Variants in SORCS3 observed in about 807,000 individuals in gnomAD.
SORCS3 encodes the protein VPS10 domain-containing receptor SorCS3.
In SORCS3, 57 loss-of-function variants were observed where a neutral mutation model predicts 146.3. The observed-to-expected ratio is 0.39, with a 90% CI of 0.31 to 0.49. SORCS3 has a LOEUF of 0.49. Ranked by LOEUF, SORCS3 falls within the 20% of genes least tolerant of loss-of-function variation. The pLI is 0.92. For missense variants in SORCS3, 1,341 were observed against 1,575.5 expected, an observed-to-expected ratio of 0.85 and a Z score of 2.52; for synonymous variants, 653 against 618.5, an observed-to-expected ratio of 1.06 and a Z score of -0.83.
intron 14 of SORCS3, among the ~76,000 whole-genome samples, chr10:105,198,647 G>A (rs187339713): frequency 3.3e-4 from 50 of 152,252 alleles, no homozygotes; most frequent in Non-Finnish European, 2.1e-4. Context: ...GGGAGAGGGA[G>A]TTAGGTTTGC....
At chr10:105,043,916 A>G (rs2055353235) in intron 5 of SORCS3, among the ~76,000 whole-genome samples, 1 of 152,160 alleles carries the variant, frequency 6.6e-6, no homozygotes, top group Non-Finnish European at 1.5e-5. Context: ...GGTTGTAACA[A>G]GTTTTGTACA....
At chr10:104,927,864 C>G (rs2019164774) in intron 3 of SORCS3, among the ~76,000 whole-genome samples, 1 of 144,582 alleles carries the variant, frequency 6.9e-6, no homozygotes, top group South Asian at 2.1e-4. Context: ...GGCAACAGAG[C>G]AAGACTCCGT....
intron 1 of SORCS3, among the ~76,000 whole-genome samples, chr10:104,772,236 T>G (rs2017258050): frequency 6.7e-6 from 1 of 148,154 alleles, no homozygotes; most frequent in African/African-American, 2.5e-5. Context: ...CAGGGGATTG[T>G]GCAGCAGGGG....
chr10:105,155,842 G>A (rs1023939772), intron 9 of SORCS3, among the ~76,000 whole-genome samples: 1 of 152,086 alleles, frequency 6.6e-6, no homozygotes, highest in African/African-American at 2.4e-5. Context: ...TCCCCTGGTG[G>A]TGTCCTTCCA....
rs376348515 is a variant in SORCS3, at chr10:105,230,985, A to C, written c.2868+7736A>C. Among the ~76,000 whole-genome samples the C allele has an allele frequency of 4.9e-4, 74 of 152,300 alleles. No individual in the cohort carries two copies. In the South Asian group the frequency reaches 0.015, roughly 32 times the overall value. ...GAGGCTCTCCAGTGGCTAGGGTTGTAGGAGTCCATGGTGAGGATGTGGACT... is the reference window on the plus strand; with the variant it reads ...GAGGCTCTCCAGTGGCTAGGGTTGTCGGAGTCCATGGTGAGGATGTGGACT... On this transcript the variant is annotated intron_variant, in intron 20 of 26. Coordinates refer to ENST00000369701, the MANE Select transcript of SORCS3 (RefSeq NM_014978.3).
chr10:104,988,681 G>T (rs956423368), intron 4 of SORCS3, among the ~76,000 whole-genome samples: 1 of 152,152 alleles, frequency 6.6e-6, no homozygotes, highest in Non-Finnish European at 1.5e-5. Context: ...AATGAAGAGA[G>T]AAGTTGAAAT....
chr10:104,675,990 G>T (rs1459018620), intron 1 of SORCS3, among the ~76,000 whole-genome samples: 2 of 152,128 alleles, frequency 1.3e-5, no homozygotes, highest in African/African-American at 4.8e-5. Flanking sequence ...TCTCAGCAGT[G>T]TTTCATACTT....
intron 19 of SORCS3, among the ~76,000 whole-genome samples, chr10:105,222,745 C>A (rs550680104): frequency 6.6e-6 from 1 of 152,198 alleles, no homozygotes; most frequent in Non-Finnish European, 1.5e-5. Context: ...AATACACTGA[C>A]CCCAAATCAC....
intron 2 of SORCS3, among the ~76,000 whole-genome samples, chr10:104,850,425 A>C (rs1055948574): frequency 6.6e-6 from 1 of 152,190 alleles, no homozygotes; most frequent in African/African-American, 2.4e-5. Flanking sequence ...TCTACAAAAA[A>C]TGTTAAAAAA....
intron 1 of SORCS3, among the ~76,000 whole-genome samples, chr10:104,751,186 G>A (rs766519274): frequency 6.6e-6 from 1 of 152,126 alleles, no homozygotes; most frequent in Non-Finnish European, 1.5e-5. Flanking sequence ...CTAATCTGTA[G>A]CAGCCACAGA....
At chr10:104,967,403 T>C (rs1022293374) in intron 3 of SORCS3, among the ~76,000 whole-genome samples, 1 of 152,204 alleles carries the variant, frequency 6.6e-6, no homozygotes, top group Non-Finnish European at 1.5e-5. Flanking sequence ...AGATTTACCC[T>C]CTTAACCCAC....
chr10:105,027,458 T>C (rs1386512250), intron 4 of SORCS3, among the ~76,000 whole-genome samples: 1 of 152,230 alleles, frequency 6.6e-6, no homozygotes, highest in Non-Finnish European at 1.5e-5. Flanking sequence ...TAGCAGCTAC[T>C]GCTTCATGAC....
At chr10:105,053,868 G>A (rs2055428700) in intron 5 of SORCS3, among the ~76,000 whole-genome samples, 1 of 151,864 alleles carries the variant, frequency 6.6e-6, no homozygotes, top group African/African-American at 2.4e-5. Context: ...TTTGTTCAAG[G>A]TCTGATTATT....
intron 7 of SORCS3, among the ~76,000 whole-genome samples, chr10:105,110,874 A>G (rs1479191453): frequency 2.0e-5 from 3 of 152,136 alleles, no homozygotes; most frequent in East Asian, 1.9e-4. Flanking sequence ...TTACTAATTG[A>G]TTTTCTTCTC....
At chr10:104,979,901 G>A (rs1261421265) in intron 4 of SORCS3, among the ~76,000 whole-genome samples, 2 of 152,146 alleles carry the variant, frequency 1.3e-5, no homozygotes, top group African/African-American at 4.8e-5. Flanking sequence ...TTATTTATAA[G>A]AAGCTCAGAC....
At chr10:105,062,525 C>A (rs1478827912) in intron 5 of SORCS3, among the ~76,000 whole-genome samples, 1 of 152,038 alleles carries the variant, frequency 6.6e-6, no homozygotes, top group African/African-American at 2.4e-5. Flanking sequence ...GAGGGTAGAC[C>A]AGAGCAGGTG....
At chr10:104,642,013 GGT>G in intron 1 of SORCS3, 59 bp downstream of exon 1, 1 of 1,404,048 alleles carries the variant, frequency 7.1e-7, no homozygotes, top group Non-Finnish European at 9.5e-7. Flanking sequence ...GGAATGGGGG[GGT>G]GGGTGGGAGC....
chr10:105,241,472 G>A (rs2056822773), intron 20 of SORCS3, among the ~76,000 whole-genome samples: 2 of 152,204 alleles, frequency 1.3e-5, no homozygotes. Context: ...CAGCTCAGTT[G>A]GCCCCTTGCC....
At chr10:104,893,515 CA>C (rs1421852942) in intron 2 of SORCS3, among the ~76,000 whole-genome samples, 1 of 152,174 alleles carries the variant, frequency 6.6e-6, no homozygotes, top group East Asian at 1.9e-4. Context: ...GATTTTCTAT[CA>C]GTGGCATGTA....
Sources: allele counts gnomAD v4.1 joint callset (sites outside exome capture counted in the v4.1 genomes callset), GRCh38; gene constraint gnomAD v4.1.1; transcripts MANE v1.5; gene names NCBI Gene and HGNC (gene_info 2026-07-23, HGNC 2026-07-21).